Variants in SLC35F1 observed in about 807,000 individuals in gnomAD.
SLC35F1 encodes chromosome 6 open reading frame 169.
A neutral mutation model predicts 48.7 loss-of-function variants in SLC35F1; 14 were observed. The observed-to-expected ratio is 0.29, with a 90% CI of 0.19 to 0.45. The LOEUF is 0.45. SLC35F1 is among the 20% of genes least tolerant of loss of function. The probability of loss-of-function intolerance (pLI) is 1.00; values close to 1 mark genes in which losing one functional copy is unlikely to be tolerated. For missense variants in SLC35F1, 404 were observed against 500.0 expected, an observed-to-expected ratio of 0.81 and a Z score of 1.83; for synonymous variants, 190 against 202.2, an observed-to-expected ratio of 0.94 and a Z score of 0.51.
At chr6:117,934,719 A>G (rs551019532) in intron 1 of SLC35F1, among the ~76,000 whole-genome samples, 1 of 152,358 alleles carries the variant, frequency 6.6e-6, no homozygotes, top group East Asian at 1.9e-4. Flanking sequence ...GATATTGTAC[A>G]AAACAAATGT....
intron 1 of SLC35F1, among the ~76,000 whole-genome samples, chr6:118,119,937 A>C (rs540446011): frequency 6.6e-6 from 1 of 152,318 alleles, no homozygotes; most frequent in Non-Finnish European, 1.5e-5. Flanking sequence ...ACAGCCACTT[A>C]AGACCATAGT....
chr6:118,024,997 A>T (rs1777444109), intron 1 of SLC35F1, among the ~76,000 whole-genome samples: 1 of 152,202 alleles, frequency 6.6e-6, no homozygotes, highest in African/African-American at 2.4e-5. Context: ...GATAGTACAG[A>T]GTTCTCATAT....
chr6:117,916,647 G>C (rs987497368), intron 1 of SLC35F1, among the ~76,000 whole-genome samples: 1 of 152,226 alleles, frequency 6.6e-6, no homozygotes, highest in African/African-American at 2.4e-5. Context: ...ATGTGAGGCA[G>C]GGAAACTATT....
At chr6:118,110,603 G>T (rs1015168884) in intron 1 of SLC35F1, among the ~76,000 whole-genome samples, 1 of 152,104 alleles carries the variant, frequency 6.6e-6, no homozygotes, top group African/African-American at 2.4e-5. Flanking sequence ...TAGGAATTAG[G>T]TTATGCTTAC....
At chr6:118,162,224 A>C (rs205956) in intron 2 of SLC35F1, among the ~76,000 whole-genome samples, 1 of 152,214 alleles carries the variant, frequency 6.6e-6, no homozygotes, top group Non-Finnish European at 1.5e-5. Flanking sequence ...GTATGGGTTA[A>C]TCTCAAAAGC....
In SLC35F1 at chr6:117,907,504, C is replaced by G. The variant is rs1017562124; in HGVS notation, c.-223C>G. On this transcript the variant is annotated 5_prime_UTR_variant, in exon 1 of 8. Coordinates refer to ENST00000360388, the MANE Select transcript of SLC35F1 (RefSeq NM_001029858.4). ...GGGGCGGGCGGCGGCGGCGGCGGCA[C>G]GGGCGCGAGGGTGCGCGCACTGGGA... The G allele has an allele frequency of 3.7e-6, 1 of 267,652 alleles. No individual in the cohort carries two copies. Among genetic ancestry groups the G allele is most frequent in the African/African-American group, 2.3e-5 (1 of 43,162 alleles). 16.6% of individuals were successfully genotyped at this position (267,652 alleles called of 1,614,324 possible).
rs568235867 is a variant in SLC35F1, at chr6:117,910,964, T to C, written c.173+3065T>C. Among the ~76,000 whole-genome samples the C allele has an allele frequency of 5.3e-5, 8 of 152,356 alleles. No individual in the cohort carries two copies. The South Asian group carries it at 1.7e-3, about 32-fold the overall frequency. ...CTCTCAAGAAGCTTAGAATGAAATA[T>C]AGTGTTATCTTAATAAAATCTGCCT... On this transcript the variant is annotated intron_variant, in intron 1 of 7. Transcript: ENST00000360388.
At chr6:117,940,018 G>A (rs989453332) in intron 1 of SLC35F1, among the ~76,000 whole-genome samples, 9 of 152,212 alleles carry the variant, frequency 5.9e-5, no homozygotes, top group Non-Finnish European at 1.2e-4. Context: ...GCTCTTTTAA[G>A]GCAGCCTTTA....
intron 1 of SLC35F1, among the ~76,000 whole-genome samples, chr6:118,095,734 G>A (rs1241666852): frequency 1.3e-5 from 2 of 152,092 alleles, no homozygotes; most frequent in Non-Finnish European, 2.9e-5. Context: ...AAACAGAAGT[G>A]GAGCCTGAAA....
intron 7 of SLC35F1, among the ~76,000 whole-genome samples, chr6:118,289,147 A>C (rs1220492905): frequency 6.6e-6 from 1 of 152,240 alleles, no homozygotes; most frequent in African/African-American, 2.4e-5. Flanking sequence ...AATTCTCTGA[A>C]GATTCACTCA....
At chr6:117,943,783 T>C (rs1301704977) in intron 1 of SLC35F1, among the ~76,000 whole-genome samples, 1 of 152,230 alleles carries the variant, frequency 6.6e-6, no homozygotes, top group Non-Finnish European at 1.5e-5. Flanking sequence ...CCATTGATTT[T>C]GCTGGAGCTA....
At chr6:118,294,538 G>T (rs899381918) in intron 7 of SLC35F1, among the ~76,000 whole-genome samples, 1 of 152,110 alleles carries the variant, frequency 6.6e-6, no homozygotes, top group Admixed American at 6.6e-5. Context: ...GCTTAATATT[G>T]CCACAAAATT....
At chr6:118,218,820 A>T (rs1404417343) in intron 2 of SLC35F1, among the ~76,000 whole-genome samples, 1 of 152,172 alleles carries the variant, frequency 6.6e-6, no homozygotes, top group African/African-American at 2.4e-5. Context: ...TTACTTGAGT[A>T]TTATTATTTT....
intron 1 of SLC35F1, among the ~76,000 whole-genome samples, chr6:118,066,325 C>T (rs1181363123): frequency 6.6e-6 from 1 of 152,116 alleles, no homozygotes; most frequent in Non-Finnish European, 1.5e-5. Context: ...GACAAAATTA[C>T]GTCCTTTAAC....
At chr6:118,291,120 T>C (rs1031953081) in intron 7 of SLC35F1, among the ~76,000 whole-genome samples, 8 of 152,160 alleles carry the variant, frequency 5.3e-5, no homozygotes, top group Admixed American at 4.6e-4. Context: ...ATAACATTTA[T>C]TGAAGTTACT....
At chr6:117,975,776 AGTT>A (rs1776698256) in intron 1 of SLC35F1, among the ~76,000 whole-genome samples, 1 of 152,200 alleles carries the variant, frequency 6.6e-6, no homozygotes, top group Non-Finnish European at 1.5e-5. Context: ...TGCGCTAACA[AGTT>A]GTTTTCATCA....
chr6:118,263,982 A>G (rs1775742381), intron 3 of SLC35F1, among the ~76,000 whole-genome samples: 1 of 152,214 alleles, frequency 6.6e-6, no homozygotes, highest in Non-Finnish European at 1.5e-5. Flanking sequence ...TCACTAAAAC[A>G]TTGTCCAAAA....
intron 2 of SLC35F1, among the ~76,000 whole-genome samples, chr6:118,175,034 T>C (rs1354622655): frequency 6.6e-6 from 1 of 152,116 alleles, no homozygotes; most frequent in Non-Finnish European, 1.5e-5. Context: ...GAAGATTGCT[T>C]TCAGCCACTT....
At chr6:118,066,245 C>CT (rs1772611873) in intron 1 of SLC35F1, among the ~76,000 whole-genome samples, 1 of 152,114 alleles carries the variant, frequency 6.6e-6, no homozygotes, top group Admixed American at 6.5e-5. Context: ...GTTGAAATAT[C>CT]ATCAGAGTTA....
Sources: gnomAD v4.1 joint callset for allele counts (sites outside exome capture counted in the v4.1 genomes callset) on GRCh38, gnomAD v4.1.1 for gene constraint, MANE v1.5 for transcripts, NCBI Gene and HGNC (gene_info 2026-07-23, HGNC 2026-07-21) for gene names.